SYT16: variants seen among roughly 807,000 people sequenced by gnomAD.
The protein encoded by SYT16 is synaptotagmin 16.
SYT16 carries 42 observed loss-of-function variants against 61.4 expected under a neutral mutation model. The observed-to-expected ratio is 0.68, with a 90% CI of 0.53 to 0.89. The LOEUF is 0.89. Among genes scored for constraint, SYT16 ranks in the 40% least tolerant of loss-of-function variants. The pLI is 0.00. For missense variants in SYT16, 804 were observed against 807.3 expected, an observed-to-expected ratio of 1.00 and a Z score of 0.05; for synonymous variants, 314 against 302.3, an observed-to-expected ratio of 1.04 and a Z score of -0.40.
At chr14:61,957,547 A>T (rs926523856) in intron 1 of SYT16, among the ~76,000 whole-genome samples, 2 of 152,014 alleles carry the variant, frequency 1.3e-5, no homozygotes, top group African/African-American at 2.4e-5. Flanking sequence ...CTTTTTCTGC[A>T]TCTATTGAGA....
At chr14:61,952,096 CAACAATGTTGA>C (rs2140478273) in intron 1 of SYT16, among the ~76,000 whole-genome samples, 1 of 151,862 alleles carries the variant, frequency 6.6e-6, no homozygotes, top group South Asian at 2.1e-4. Context: ...CCATTAAGTT[CAACAATGTTGA>C]ACTGATACAG....
At chr14:61,909,867 G>T (rs1267261730) in intron 1 of SYT16, among the ~76,000 whole-genome samples, 1 of 152,102 alleles carries the variant, frequency 6.6e-6, no homozygotes, top group Non-Finnish European at 1.5e-5. Flanking sequence ...TGGTCTTTCC[G>T]TACCTGTGTT....
chr14:61,953,792 C>T (rs966750064), intron 1 of SYT16, among the ~76,000 whole-genome samples: 1 of 152,190 alleles, frequency 6.6e-6, no homozygotes, highest in African/African-American at 2.4e-5. Flanking sequence ...ACCCAGGTCA[C>T]CTCTACTCTG....
Position 62,112,043 on chromosome 14 carries a change from A to T in SYT16, c.*11336A>T, listed in dbSNP as rs2057617944. The T allele has an allele frequency of 6.6e-6, 1 of 152,134 alleles. No homozygotes were observed. The highest frequency in any genetic ancestry group is 1.5e-5 in the Non-Finnish European group (1 of 67,984). 9.4% of individuals were successfully genotyped at this position (152,134 alleles called of 1,614,324 possible). ...GTGTGGAAATTTTTTAATTGTTAAA[A>T]ACTGGAATACCTTTCTACCTTTTGT... On this transcript the variant is annotated 3_prime_UTR_variant, in exon 8 of 8. Transcript: ENST00000683842.
At chr14:61,954,727 T>G (rs2050804002) in intron 1 of SYT16, among the ~76,000 whole-genome samples, 1 of 152,044 alleles carries the variant, frequency 6.6e-6, no homozygotes, top group Non-Finnish European at 1.5e-5. Flanking sequence ...CTAATTTTGT[T>G]TAGACTCAGA....
rs1298752756 is a variant in SYT16 at position 62,069,642 on chromosome 14, C to G, written c.563C>G (p.Ser188Cys). The change falls in exon 4 of 8, where the codon TCT becomes TGT. Residue 188 changes from serine (S) to cysteine (C), a missense_variant. Coordinates refer to ENST00000683842, the MANE Select transcript of SYT16 (RefSeq NM_001367656.1). The part of the protein sequence containing the change: ...FGDDEELSTS[S>C]DSDEEVIKQF... ...GATGACGAAGAGCTGTCCACATCTT[C>G]TGACAGTGACGAGGAGGTGATCAAA... 1 of 1,613,994 alleles carries G rather than the reference C, an allele frequency of 6.2e-7. No homozygotes were observed. Among genetic ancestry groups the G allele is most frequent in the Non-Finnish European group, 8.5e-7 (1 of 1,179,880 alleles).
chr14:61,879,938 C>G (rs2047637789), intron 1 of SYT16, among the ~76,000 whole-genome samples: 1 of 152,196 alleles, frequency 6.6e-6, no homozygotes, highest in Admixed American at 6.5e-5. Context: ...GGCTCCTTTC[C>G]TATTCACTCT....
At chr14:61,979,914 T>A (rs2051996830) in intron 2 of SYT16, among the ~76,000 whole-genome samples, 1 of 152,208 alleles carries the variant, frequency 6.6e-6, no homozygotes, top group Admixed American at 6.5e-5. Context: ...GGGATAGTTT[T>A]TGACGGTCTA....
At chr14:61,880,870 G>A (rs1175309872) in intron 1 of SYT16, among the ~76,000 whole-genome samples, 1 of 152,050 alleles carries the variant, frequency 6.6e-6, no homozygotes, top group South Asian at 2.1e-4. Context: ...CATAACACTT[G>A]CAAAAATGAT....
chr14:62,069,940 G>T (rs1160250503), intron 4 of SYT16, 125 bp downstream of exon 4: 1 of 1,116,380 alleles, frequency 9.0e-7, no homozygotes, highest in Non-Finnish European at 1.3e-6. Context: ...GAGGCAGGAT[G>T]CATTACGTGG....
chr14:61,847,876 T>G (rs1320344624), intron 1 of SYT16, among the ~76,000 whole-genome samples: 1 of 152,234 alleles, frequency 6.6e-6, no homozygotes, highest in Non-Finnish European at 1.5e-5. Context: ...CAATTGTAGT[T>G]TTTCAACTCC....
intron 1 of SYT16, among the ~76,000 whole-genome samples, chr14:61,882,264 A>G (rs1370379418): frequency 6.6e-6 from 1 of 152,220 alleles, no homozygotes; most frequent in Non-Finnish European, 1.5e-5. Flanking sequence ...AAAAAATTAC[A>G]TGATAAGTAA....
rs142374343 is a variant in SYT16 at position 61,870,170 on chromosome 14, T to C, written c.-325+57360T>C. Among the ~76,000 whole-genome samples the C allele has an allele frequency of 4.5e-4, 68 of 152,352 alleles. 1 individual carries two copies. The South Asian group carries it at 9.3e-3, about 21-fold the overall frequency. ...ACTATGTGCAATGATGCTCATGATA[T>C]ATTCTTTTAGATTTTGCATGTCTGA... is the stretch of plus-strand genomic sequence containing the variant. On this transcript the variant is annotated intron_variant, in intron 1 of 7. Coordinates refer to ENST00000683842, the MANE Select transcript of SYT16 (RefSeq NM_001367656.1).
At chr14:61,878,751 G>A (rs998660087) in intron 1 of SYT16, among the ~76,000 whole-genome samples, 4 of 152,040 alleles carry the variant, frequency 2.6e-5, no homozygotes, top group African/African-American at 9.7e-5. Context: ...TTCTGCTGTG[G>A]ACTAGGAAGA....
At chr14:62,058,148 A>G (rs907669723) in intron 3 of SYT16, among the ~76,000 whole-genome samples, 3 of 152,024 alleles carry the variant, frequency 2.0e-5, no homozygotes, top group Non-Finnish European at 4.4e-5. Flanking sequence ...CATTGTATTT[A>G]TATACCACAA....
At chr14:62,065,532 A>G (rs1407187081) in intron 3 of SYT16, among the ~76,000 whole-genome samples, 1 of 152,246 alleles carries the variant, frequency 6.6e-6, no homozygotes, top group African/African-American at 2.4e-5. Context: ...ATATACTAAT[A>G]AATTAGTTGC....
At chr14:61,832,790 A>G (rs372066698) in intron 1 of SYT16, among the ~76,000 whole-genome samples, 2 of 152,286 alleles carry the variant, frequency 1.3e-5, no homozygotes, top group African/African-American at 4.8e-5. Flanking sequence ...TAACCTAGCA[A>G]TAGTTTTGTT....
At chr14:61,903,081 ATAGTGT>A (rs2048579214) in intron 1 of SYT16, among the ~76,000 whole-genome samples, 2 of 152,118 alleles carry the variant, frequency 1.3e-5, no homozygotes, top group African/African-American at 4.8e-5. Context: ...TTGTAGTCCT[ATAGTGT>A]TCTCCCTGGT....
At chr14:61,815,260 G>C (rs1392600893) in intron 1 of SYT16, among the ~76,000 whole-genome samples, 1 of 152,164 alleles carries the variant, frequency 6.6e-6, no homozygotes, top group Non-Finnish European at 1.5e-5. Flanking sequence ...GTGAGAGGGA[G>C]GTAGGAACAG....
Sources: gnomAD v4.1 joint callset for allele counts (sites outside exome capture counted in the v4.1 genomes callset) on GRCh38, gnomAD v4.1.1 for gene constraint, MANE v1.5 for transcripts, NCBI Gene and HGNC (gene_info 2026-07-23, HGNC 2026-07-21) for gene names.